NKAIN2: variants seen among roughly 807,000 people sequenced by gnomAD.
The protein encoded by NKAIN2 is sodium/potassium-transporting ATPase subunit beta-1-interacting protein 2.
Under a neutral mutation model 32.6 loss-of-function variants are expected in NKAIN2, and 14 were observed. That is an observed-to-expected ratio of 0.43 (90% CI 0.28 to 0.67). The LOEUF is 0.67. Ranked by LOEUF, NKAIN2 falls within the 30% of genes least tolerant of loss-of-function variation. The pLI, the probability that NKAIN2 is intolerant of heterozygous loss-of-function variation, is 0.17. For synonymous variants in NKAIN2, 80 were observed against 87.2 expected (o/e 0.92, Z 0.46); for missense variants, 198 against 258.3 (o/e 0.77, Z 1.60).
At chr6:124,624,223 G>A (rs188099451) in intron 3 of NKAIN2, among the ~76,000 whole-genome samples, 95 of 152,260 alleles carry the variant, frequency 6.2e-4, no homozygotes, top group African/African-American at 2.2e-3. Flanking sequence ...CCCAGATGCT[G>A]AAGAAAGGAA....
intron 4 of NKAIN2, among the ~76,000 whole-genome samples, chr6:124,770,852 A>G (rs1018225532): frequency 3.3e-5 from 5 of 152,110 alleles, no homozygotes; most frequent in African/African-American, 7.2e-5. Context: ...TTCCAAGCAT[A>G]CACTCTATCA....
intron 1 of NKAIN2, among the ~76,000 whole-genome samples, chr6:124,155,978 A>AG (rs1412138509): frequency 5.3e-5 from 8 of 151,076 alleles, no homozygotes; most frequent in Admixed American, 2.6e-4. Flanking sequence ...AAAAAAAAAA[A>AG]GGGATACTAG....
intron 3 of NKAIN2, among the ~76,000 whole-genome samples, chr6:124,477,612 T>G (rs1777272005): frequency 1.3e-5 from 2 of 151,208 alleles, no homozygotes. Context: ...TTCTCTCTTC[T>G]TCTTCCTTTT....
chr6:124,254,051 G>T (rs1415733750), intron 1 of NKAIN2, among the ~76,000 whole-genome samples: 1 of 151,466 alleles, frequency 6.6e-6, no homozygotes, highest in Admixed American at 6.6e-5. Context: ...TCTTGACCTC[G>T]TGATCCGCCC....
chr6:124,436,036 T>C (rs1775428449), intron 3 of NKAIN2, among the ~76,000 whole-genome samples: 1 of 152,156 alleles, frequency 6.6e-6, no homozygotes, highest in Admixed American at 6.5e-5. Context: ...AACCCCAATA[T>C]AGAGAATTAA....
At chr6:124,165,317 T>C (rs987924261) in intron 1 of NKAIN2, among the ~76,000 whole-genome samples, 1 of 152,082 alleles carries the variant, frequency 6.6e-6, no homozygotes, top group Non-Finnish European at 1.5e-5. Context: ...ATGGGCTTAA[T>C]AAAATGTTGC....
chr6:124,609,481 G>C (rs984670499), intron 3 of NKAIN2, among the ~76,000 whole-genome samples: 1 of 151,838 alleles, frequency 6.6e-6, no homozygotes, highest in Non-Finnish European at 1.5e-5. Context: ...TCCATTTTAC[G>C]CACCCTAGAT....
At position 123,893,096 on chromosome 6, in the gene NKAIN2, C is replaced by T. The variant is rs373072492; in HGVS notation, c.54+88842C>T. Reference sequence around the variant, plus strand: ...ATTTTTAGCTCTTACTGCTCTTTCACTGAAACTCATTAATATAGGATGATG... The same window carrying T: ...ATTTTTAGCTCTTACTGCTCTTTCATTGAAACTCATTAATATAGGATGATG... On this transcript the variant is annotated intron_variant, in intron 1 of 6. Coordinates refer to ENST00000368417, the MANE Select transcript of NKAIN2 (RefSeq NM_001040214.3). 3.0e-4 allele frequency among the ~76,000 whole-genome samples: 45 copies of T among 152,188 alleles called. 1 individual carries two copies. The highest frequency in any genetic ancestry group is 1.1e-3 in the African/African-American group (44 of 41,532).
intron 1 of NKAIN2, among the ~76,000 whole-genome samples, chr6:124,149,568 TTGTTG>T (rs1787591958): frequency 6.6e-6 from 1 of 152,224 alleles, no homozygotes; most frequent in African/African-American, 2.4e-5. Context: ...TATAGTATGC[TTGTTG>T]AAAATCAGTT....
chr6:124,365,885 A>G (rs988821353), intron 3 of NKAIN2, among the ~76,000 whole-genome samples: 11 of 152,044 alleles, frequency 7.2e-5, no homozygotes, highest in African/African-American at 2.4e-4. Flanking sequence ...TTCTAAACCT[A>G]TGGACCTAAT....
chr6:124,063,233 G>GA (rs1193556015), intron 1 of NKAIN2, among the ~76,000 whole-genome samples: 16 of 151,698 alleles, frequency 1.1e-4, no homozygotes, highest in African/African-American at 3.9e-4. Context: ...TCTCATTATG[G>GA]AAAAAAATTA....
intron 1 of NKAIN2, among the ~76,000 whole-genome samples, chr6:123,911,803 A>ATATATATATATGTATATATATATGTATG (rs1562253423): frequency 2.0e-5 from 2 of 98,612 alleles, no homozygotes; most frequent in Non-Finnish European, 1.9e-5. Flanking sequence ...ATATATATGT[A>ATATATATATATGTATATATATATGTATG]TATATATATA....
rs377699255 is a variant in NKAIN2, at chr6:124,823,280, C to T, written c.*51C>T. The T allele has an allele frequency of 2.7e-5, 35 of 1,305,682 alleles. No individual in the cohort carries two copies. In the African/African-American group the frequency reaches 3.7e-4, roughly 14 times the overall value. 80.9% of individuals were successfully genotyped at this position (1,305,682 alleles called of 1,614,324 possible). On this transcript the variant is annotated 3_prime_UTR_variant, in exon 7 of 7. Coordinates refer to ENST00000368417, the MANE Select transcript of NKAIN2 (RefSeq NM_001040214.3). ...CATGGACCTTTCAAAGAACTTTTTT[C>T]GCAGTGGCCTCCTGCATTTCATGAA...
chr6:124,088,256 A>G (rs1469544027), intron 1 of NKAIN2, among the ~76,000 whole-genome samples: 2 of 151,856 alleles, frequency 1.3e-5, no homozygotes, highest in Non-Finnish European at 2.9e-5. Context: ...CATCTCTACA[A>G]AATAATAATA....
intron 5 of NKAIN2, among the ~76,000 whole-genome samples, chr6:124,801,831 A>G (rs1382213557): frequency 6.6e-6 from 1 of 152,202 alleles, no homozygotes; most frequent in Non-Finnish European, 1.5e-5. Flanking sequence ...GGGATAAATT[A>G]GAGGACTATG....
intron 1 of NKAIN2, among the ~76,000 whole-genome samples, chr6:123,943,483 G>A (rs1290141587): frequency 6.6e-6 from 1 of 151,984 alleles, no homozygotes; most frequent in African/African-American, 2.4e-5. Context: ...CTTGTGGAAA[G>A]GGGACAGTGC....
intron 3 of NKAIN2, among the ~76,000 whole-genome samples, chr6:124,654,498 A>C (rs6933562): frequency 0.021 from 3,123 of 152,222 alleles, 115 homozygotes; most frequent in African/African-American, 0.072. Flanking sequence ...CTCTGGAGAA[A>C]TGAAAAATAA....
intron 1 of NKAIN2, among the ~76,000 whole-genome samples, chr6:124,256,072 G>A (rs902687002): frequency 5.3e-5 from 8 of 152,116 alleles, no homozygotes; most frequent in South Asian, 4.2e-4. Flanking sequence ...AAATTACTCC[G>A]TGGAGTGTTA....
intron 1 of NKAIN2, among the ~76,000 whole-genome samples, chr6:124,032,381 T>G (rs1781444879): frequency 6.6e-6 from 1 of 151,870 alleles, no homozygotes. Context: ...TGCATGTTGT[T>G]CACATGTACC....
Sources: gnomAD v4.1 joint callset for allele counts (sites outside exome capture counted in the v4.1 genomes callset) on GRCh38, gnomAD v4.1.1 for gene constraint, MANE v1.5 for transcripts, NCBI Gene and HGNC (gene_info 2026-07-23, HGNC 2026-07-21) for gene names.